Variants in ZFAND3 observed in about 807,000 individuals in gnomAD.
ZFAND3 encodes AN1-type zinc finger protein 3.
ZFAND3 carries 10 observed loss-of-function variants against 29.6 expected under a neutral mutation model. The ratio of observed to expected loss-of-function variants is 0.34; its 90% CI spans 0.21 to 0.57. The LOEUF is 0.57. ZFAND3 is among the 20% of genes least tolerant of loss of function. ZFAND3 has a pLI of 0.86. For synonymous variants in ZFAND3, 128 were observed against 112.6 expected (o/e 1.14, Z -0.87); for missense variants, 230 against 304.5 (o/e 0.76, Z 1.82).
chr6:37,831,872 G>C (rs556725258), intron 1 of ZFAND3, among the ~76,000 whole-genome samples: 9 of 152,288 alleles, frequency 5.9e-5, no homozygotes, highest in African/African-American at 2.2e-4. Context: ...CTTCATTGCT[G>C]CACTGTTGAA....
intron 1 of ZFAND3, among the ~76,000 whole-genome samples, chr6:37,872,761 T>C (rs564650778): frequency 3.3e-5 from 5 of 152,232 alleles, no homozygotes; most frequent in Non-Finnish European, 7.3e-5. Context: ...CTGTGATTAG[T>C]TTATCCCTTC....
intron 2 of ZFAND3, among the ~76,000 whole-genome samples, chr6:38,050,480 G>A (rs896824226): frequency 6.6e-6 from 1 of 151,954 alleles, no homozygotes; most frequent in Non-Finnish European, 1.5e-5. Flanking sequence ...TCATGCGGGC[G>A]GTTACCCCCA....
At chr6:37,911,356 A>G (rs1050991631) in intron 1 of ZFAND3, among the ~76,000 whole-genome samples, 2 of 152,152 alleles carry the variant, frequency 1.3e-5, no homozygotes, top group African/African-American at 4.8e-5. Flanking sequence ...GGAAATGTCT[A>G]TTCAGATCAT....
chr6:37,836,717 A>G (rs770585418), intron 1 of ZFAND3, among the ~76,000 whole-genome samples: 31 of 152,222 alleles, frequency 2.0e-4, no homozygotes, highest in Middle Eastern at 3.2e-3. Context: ...ACCATCATGA[A>G]TTGAAACTTC....
chr6:38,024,717 A>C (rs1763415430), intron 2 of ZFAND3, among the ~76,000 whole-genome samples: 1 of 152,226 alleles, frequency 6.6e-6, no homozygotes, highest in Non-Finnish European at 1.5e-5. Context: ...AAGAGGTCAC[A>C]TATTATATGA....
chr6:38,064,504 A>C (rs1180616018), intron 3 of ZFAND3, among the ~76,000 whole-genome samples: 1 of 152,198 alleles, frequency 6.6e-6, no homozygotes, highest in African/African-American at 2.4e-5. Flanking sequence ...CAGAGTTCAT[A>C]CTTTTAATCA....
chr6:37,956,319 T>C (rs1226347429), intron 2 of ZFAND3, among the ~76,000 whole-genome samples: 1 of 152,222 alleles, frequency 6.6e-6, no homozygotes, highest in Non-Finnish European at 1.5e-5. Context: ...TGGAACCATT[T>C]GTGTGTCTTA....
chr6:37,988,478 A>G (rs1762707037), intron 2 of ZFAND3, among the ~76,000 whole-genome samples: 2 of 152,148 alleles, frequency 1.3e-5, no homozygotes, highest in African/African-American at 4.8e-5. Flanking sequence ...GTATCTCGCA[A>G]TTCCTGACAT....
At chr6:38,063,423 A>G (rs962674127) in intron 3 of ZFAND3, among the ~76,000 whole-genome samples, 3 of 152,214 alleles carry the variant, frequency 2.0e-5, no homozygotes, top group African/African-American at 7.2e-5. Context: ...CCTGCATCAC[A>G]TAGGACAGTC....
chr6:37,890,263 A>G (rs1359032286), intron 1 of ZFAND3, among the ~76,000 whole-genome samples: 1 of 152,206 alleles, frequency 6.6e-6, no homozygotes, highest in Non-Finnish European at 1.5e-5. Context: ...TGTGTTTTTA[A>G]GTAAATAGCA....
chr6:37,846,459 G>A (rs536676710), intron 1 of ZFAND3, among the ~76,000 whole-genome samples: 2 of 152,166 alleles, frequency 1.3e-5, no homozygotes, highest in Non-Finnish European at 2.9e-5. Flanking sequence ...TAGTATTAAA[G>A]TTATGAAGAA....
intron 2 of ZFAND3, among the ~76,000 whole-genome samples, chr6:37,931,576 C>CA (rs549382637): frequency 1.4e-5 from 2 of 148,130 alleles, no homozygotes; most frequent in African/African-American, 2.5e-5. Context: ...ACCAACCAAA[C>CA]AAAAAAAAGA....
chr6:38,108,338 G>T (rs555403869), intron 4 of ZFAND3, among the ~76,000 whole-genome samples: 5 of 152,206 alleles, frequency 3.3e-5, no homozygotes, highest in Admixed American at 6.5e-5. Flanking sequence ...AGTTTATTAG[G>T]GAGAATTGGC....
chr6:37,950,141 TCTATA>T (rs1023603380), intron 2 of ZFAND3, among the ~76,000 whole-genome samples: 4 of 152,224 alleles, frequency 2.6e-5, no homozygotes, highest in Admixed American at 1.3e-4. Flanking sequence ...GTGCAGAAGC[TCTATA>T]CTTAGGTTCC....
At chr6:37,894,693 A>G (rs551297493) in intron 1 of ZFAND3, among the ~76,000 whole-genome samples, 50 of 152,200 alleles carry the variant, frequency 3.3e-4, no homozygotes, top group African/African-American at 1.2e-3. Context: ...TGTGGTGCAG[A>G]TCTGCTCGTG....
intron 3 of ZFAND3, among the ~76,000 whole-genome samples, chr6:38,067,023 C>T (rs1005963781): frequency 1.3e-5 from 2 of 152,162 alleles, no homozygotes; most frequent in Admixed American, 1.3e-4. Flanking sequence ...GACTAAAGGA[C>T]TTGTTACAGC....
At chr6:37,924,439 C>A (rs1252584034) in intron 1 of ZFAND3, among the ~76,000 whole-genome samples, 1 of 151,664 alleles carries the variant, frequency 6.6e-6, no homozygotes, top group Non-Finnish European at 1.5e-5. Flanking sequence ...GCTCTTATGG[C>A]ACTTACATTC....
chr6:38,106,755 C>T (rs994644183), intron 4 of ZFAND3, among the ~76,000 whole-genome samples: 1 of 152,096 alleles, frequency 6.6e-6, no homozygotes, highest in African/African-American at 2.4e-5. Context: ...GAGGGGACAG[C>T]TCACTACTGT....
intron 4 of ZFAND3, among the ~76,000 whole-genome samples, chr6:38,086,957 T>TA (rs910612196): frequency 2.6e-5 from 4 of 152,124 alleles, no homozygotes; most frequent in African/African-American, 9.7e-5. Flanking sequence ...AGAGCTATAC[T>TA]AACCAGAACA....
Sources: gnomAD v4.1 joint callset for allele counts (sites outside exome capture counted in the v4.1 genomes callset) on GRCh38, gnomAD v4.1.1 for gene constraint, MANE v1.5 for transcripts, NCBI Gene and HGNC (gene_info 2026-07-23, HGNC 2026-07-21) for gene names.